The following RABGEF1 variants were observed in gnomAD, a reference collection of about 807,000 sequenced individuals.
RABGEF1 encodes the protein rab5 GDP/GTP exchange factor.
Under a neutral mutation model 57.3 loss-of-function variants are expected in RABGEF1, and 26 were observed. The ratio of observed to expected loss-of-function variants is 0.45; its 90% CI spans 0.33 to 0.63. The LOEUF (loss-of-function observed/expected upper bound fraction) is 0.63. RABGEF1 is among the 20% of genes least tolerant of loss of function. The pLI, the probability that RABGEF1 is intolerant of heterozygous loss-of-function variation, is 0.02. For missense variants in RABGEF1, 464 were observed against 607.6 expected, an observed-to-expected ratio of 0.76 and a Z score of 2.48; for synonymous variants, 185 against 210.7, an observed-to-expected ratio of 0.88 and a Z score of 1.06.
chr7:66,699,488 C>T (rs1396917983), intron 1 of RABGEF1, among the ~76,000 whole-genome samples: 5 of 152,064 alleles, frequency 3.3e-5, no homozygotes, highest in South Asian at 4.1e-4. Flanking sequence ...GTCGGGAGTT[C>T]GAGACCAGCC....
chr7:66,659,050 T>C, the RABGEF1 span, among the ~76,000 whole-genome samples: 1 of 152,066 alleles, frequency 6.6e-6, no homozygotes, highest in Non-Finnish European at 1.5e-5. Context: ...AAGGAAACAC[T>C]AACTCATTCT....
chr7:66,686,789 G>A (rs1479306793), intron 1 of RABGEF1, among the ~76,000 whole-genome samples: 2 of 151,754 alleles, frequency 1.3e-5, no homozygotes, highest in African/African-American at 4.8e-5. Flanking sequence ...GGGATAGGAA[G>A]TCTAATTTTT....
chr7:66,761,683 C>A (rs189903067), intron 1 of RABGEF1, among the ~76,000 whole-genome samples: 169 of 152,272 alleles, frequency 1.1e-3, no homozygotes, highest in African/African-American at 3.8e-3. Context: ...AGAATAGAGT[C>A]CTGCCTTGGG....
chr7:66,797,002 A>G (rs1786104858), intron 5 of RABGEF1: 2 of 391,716 alleles, frequency 5.1e-6, no homozygotes, highest in South Asian at 1.9e-5. Context: ...AGACAGTGCT[A>G]TGAAAATATA....
At chr7:66,706,892 C>T (rs1794181877) in intron 1 of RABGEF1, among the ~76,000 whole-genome samples, 2 of 151,034 alleles carry the variant, frequency 1.3e-5, no homozygotes, top group African/African-American at 4.9e-5. Context: ...CGCCATTCTC[C>T]TGCCTCAGCC....
chr7:66,698,785 C>CT (rs757473359), intron 1 of RABGEF1, among the ~76,000 whole-genome samples: 7 of 152,224 alleles, frequency 4.6e-5, no homozygotes, highest in Non-Finnish European at 1.0e-4. Flanking sequence ...AGGGCTCCAG[C>CT]TTTGTGTCAG....
chr7:66,788,514 AT>A (rs1226286924), intron 4 of RABGEF1, among the ~76,000 whole-genome samples: 1 of 152,172 alleles, frequency 6.6e-6, no homozygotes, highest in Admixed American at 6.5e-5. Context: ...AGTTATTTTT[AT>A]TTTTTTAATT....
chr7:66,728,797 CTCACCTCCACCT>C (rs1796927819), intron 2 of RABGEF1, among the ~76,000 whole-genome samples: 2 of 141,028 alleles, frequency 1.4e-5, no homozygotes, highest in South Asian at 4.7e-4. Flanking sequence ...CACCTCCATC[CTCACCTCCACCT>C]TCACCTCCAT....
intron 4 of RABGEF1, among the ~76,000 whole-genome samples, chr7:66,793,520 A>G (rs1354925606): frequency 6.6e-6 from 1 of 152,202 alleles, no homozygotes; most frequent in Non-Finnish European, 1.5e-5. Flanking sequence ...ATCTGTAGTA[A>G]TAATCACAAG....
chr7:66,708,798 C>T (rs1794435449), intron 1 of RABGEF1, among the ~76,000 whole-genome samples: 1 of 151,770 alleles, frequency 6.6e-6, no homozygotes. Flanking sequence ...GGTGACAGAG[C>T]AAGACCCTGT....
intron 1 of RABGEF1, among the ~76,000 whole-genome samples, chr7:66,755,329 G>A (rs1362112832): frequency 6.6e-6 from 1 of 151,836 alleles, no homozygotes; most frequent in Non-Finnish European, 1.5e-5. Context: ...AAAAAATTTA[G>A]CCAGGGATGG....
At chr7:66,749,718 T>C (rs1232557225) in intron 1 of RABGEF1, among the ~76,000 whole-genome samples, 1 of 152,070 alleles carries the variant, frequency 6.6e-6, no homozygotes, top group Non-Finnish European at 1.5e-5. Context: ...ACACCTGTAA[T>C]CTCAGCACTT....
chr7:66,732,260 C>G (rs1469714326), intron 2 of RABGEF1, among the ~76,000 whole-genome samples: 3 of 152,198 alleles, frequency 2.0e-5, no homozygotes, highest in Non-Finnish European at 4.4e-5. Flanking sequence ...GCTGAGCAGG[C>G]AGCTGGCGTC....
At chr7:66,700,343 C>T (rs570485444) in intron 1 of RABGEF1, among the ~76,000 whole-genome samples, 1 of 152,326 alleles carries the variant, frequency 6.6e-6, no homozygotes, top group Admixed American at 6.5e-5. Context: ...GGGGTCCTGC[C>T]TGTGTAGGGT....
intron 2 of RABGEF1, among the ~76,000 whole-genome samples, chr7:66,734,875 C>T (rs1797768650): frequency 6.6e-6 from 1 of 152,128 alleles, no homozygotes; most frequent in African/African-American, 2.4e-5. Context: ...AGTAGTGGTG[C>T]TCCTGGGGAC....
At chr7:66,781,749 G>T (rs1245300060) in intron 3 of RABGEF1, among the ~76,000 whole-genome samples, 1 of 152,180 alleles carries the variant, frequency 6.6e-6, no homozygotes, top group Non-Finnish European at 1.5e-5. Context: ...GTGTTTGCAT[G>T]ATATTTTGCC....
chr7:66,798,835 G>A (rs1300680693), intron 6 of RABGEF1, among the ~76,000 whole-genome samples: 2 of 152,192 alleles, frequency 1.3e-5, no homozygotes, highest in African/African-American at 2.4e-5. Flanking sequence ...GGAGGTGGGC[G>A]CCTGTAGTCC....
chr7:66,809,127 A>G lies in RABGEF1; in HGVS notation c.1319A>G (p.Asp440Gly). The G allele has an allele frequency of 6.2e-7, 1 of 1,614,200 alleles. No homozygotes were observed. Among genetic ancestry groups the G allele is most frequent in the Non-Finnish European group, 8.5e-7 (1 of 1,180,038 alleles). ...AAGAAACTGGAAAAAGACCTCATAG[A>G]TTGGACAGATGGAATTGCAAGAGAA... The part of the protein sequence containing the change: ...EAKKLEKDLI[D>G]WTDGIAREVQ... Residue 440 changes from aspartate to glycine, a missense_variant, in exon 9 of 9, where the codon GAT (aspartate) becomes GGT (glycine). Transcript: ENST00000284957.
At chr7:66,787,025 A>G (rs1811333934) in intron 4 of RABGEF1, among the ~76,000 whole-genome samples, 1 of 151,638 alleles carries the variant, frequency 6.6e-6, no homozygotes, top group Non-Finnish European at 1.5e-5. Context: ...CATAACTTGA[A>G]TTATTATTAT....
Sources: gnomAD v4.1 joint callset for allele counts (sites outside exome capture counted in the v4.1 genomes callset) on GRCh38, gnomAD v4.1.1 for gene constraint, MANE v1.5 for transcripts, NCBI Gene and HGNC (gene_info 2026-07-23, HGNC 2026-07-21) for gene names.